Variants in DIS3L2 observed in about 807,000 individuals in gnomAD.
DIS3L2 encodes the protein DIS3-like exonuclease 2.
In DIS3L2, 34 loss-of-function variants were observed where a neutral mutation model predicts 97.5. The observed-to-expected ratio is 0.35, with a 90% CI of 0.27 to 0.46. DIS3L2 has a LOEUF of 0.46. DIS3L2 is among the 20% of genes least tolerant of loss of function. The pLI, the probability that DIS3L2 is intolerant of heterozygous loss-of-function variation, is 1.00. For synonymous variants in DIS3L2, 435 were observed against 445.2 expected (o/e 0.98, Z 0.29); for missense variants, 1,038 against 1,146.0 (o/e 0.91, Z 1.36).
intron 11 of DIS3L2, among the ~76,000 whole-genome samples, chr2:232,241,122 G>C (rs1426653410): frequency 6.6e-6 from 1 of 152,208 alleles, no homozygotes; most frequent in African/African-American, 2.4e-5. Context: ...GCAGCTGTGC[G>C]CTCTGATTCC....
chr2:232,326,016 C>T (rs1294362479), intron 14 of DIS3L2, among the ~76,000 whole-genome samples: 2 of 151,830 alleles, frequency 1.3e-5, no homozygotes, highest in Non-Finnish European at 2.9e-5. Context: ...AGCTTGGGGG[C>T]GTTTCGGAGG....
chr2:232,132,737 T>C (rs1007964093), intron 7 of DIS3L2, among the ~76,000 whole-genome samples: 1 of 152,092 alleles, frequency 6.6e-6, no homozygotes, highest in Non-Finnish European at 1.5e-5. Context: ...GTTTCCTTCC[T>C]CACCGGACCT....
chr2:232,034,462 T>C (rs1251352900), intron 5 of DIS3L2, among the ~76,000 whole-genome samples: 1 of 152,236 alleles, frequency 6.6e-6, no homozygotes, highest in Non-Finnish European at 1.5e-5. Flanking sequence ...CATGTCTCTA[T>C]CTCCTTCAGT....
chr2:232,038,792 A>G (rs1226415307), intron 5 of DIS3L2, among the ~76,000 whole-genome samples: 1 of 152,086 alleles, frequency 6.6e-6, no homozygotes, highest in East Asian at 1.9e-4. Context: ...AAGGTTTGGG[A>G]CTTGAGCATT....
At chr2:232,156,023 C>CT (rs1239284832) in intron 8 of DIS3L2, among the ~76,000 whole-genome samples, 1 of 151,938 alleles carries the variant, frequency 6.6e-6, no homozygotes, top group Non-Finnish European at 1.5e-5. Context: ...TCCAAAGAAT[C>CT]TTAGAAAATG....
chr2:232,305,116 C>T (rs936960230), intron 14 of DIS3L2, among the ~76,000 whole-genome samples: 30 of 152,238 alleles, frequency 2.0e-4, no homozygotes, highest in African/African-American at 7.0e-4. Context: ...CGCTCTGTCA[C>T]CCAGGCTGGA....
chr2:232,332,344 C>T (rs1192571564), intron 16 of DIS3L2, among the ~76,000 whole-genome samples: 14 of 152,278 alleles, frequency 9.2e-5, no homozygotes, highest in African/African-American at 1.7e-4. Flanking sequence ...CCATCAGCTG[C>T]GCCCTGGATT....
At chr2:232,260,670 T>C (rs1323198629) in intron 12 of DIS3L2, 7 of 152,204 alleles carry the variant, frequency 4.6e-5, no homozygotes, top group Admixed American at 4.6e-4. Flanking sequence ...TATAAGACTT[T>C]GCTCTGGATA....
intron 14 of DIS3L2, among the ~76,000 whole-genome samples, chr2:232,323,914 A>G (rs1424258244): frequency 1.3e-5 from 2 of 151,376 alleles, no homozygotes; most frequent in Non-Finnish European, 2.9e-5. Context: ...TCCACTTTCC[A>G]GCTCCCAGGC....
chr2:232,049,799 T>C (rs891851822), intron 5 of DIS3L2, among the ~76,000 whole-genome samples: 1 of 152,244 alleles, frequency 6.6e-6, no homozygotes, highest in African/African-American at 2.4e-5. Context: ...TTCTTATATA[T>C]GTTATTTCTA....
At chr2:232,236,866 C>T (rs146921770) in intron 10 of DIS3L2, among the ~76,000 whole-genome samples, 1 of 152,306 alleles carries the variant, frequency 6.6e-6, no homozygotes, top group East Asian at 1.9e-4. Context: ...GTTCTCCTGC[C>T]TCAGCCCCCT....
chr2:232,090,248 T>C (rs1301647880), intron 6 of DIS3L2, among the ~76,000 whole-genome samples: 1 of 152,116 alleles, frequency 6.6e-6, no homozygotes, highest in East Asian at 1.9e-4. Flanking sequence ...CCCTCTTTCT[T>C]ACAAGTAAAT....
intron 12 of DIS3L2, among the ~76,000 whole-genome samples, chr2:232,253,617 GATC>G (rs140346873): frequency 0.019 from 2,962 of 152,202 alleles, 97 homozygotes; most frequent in African/African-American, 0.068. Context: ...AATGAATTCT[GATC>G]ATTGTCATGT....
At chr2:232,294,499 G>A (rs991784807) in intron 13 of DIS3L2, among the ~76,000 whole-genome samples, 4 of 152,300 alleles carry the variant, frequency 2.6e-5, no homozygotes, top group African/African-American at 9.6e-5. Context: ...CATCCTGGGT[G>A]AATTTCAGTC....
chr2:232,036,163 C>A (rs1196465772), intron 5 of DIS3L2, among the ~76,000 whole-genome samples: 1 of 152,156 alleles, frequency 6.6e-6, no homozygotes, highest in East Asian at 1.9e-4. Flanking sequence ...ATCAATCAAA[C>A]GTAGGTTTGG....
chr2:232,126,534 C>T (rs73003118), intron 6 of DIS3L2, among the ~76,000 whole-genome samples: 11 of 152,252 alleles, frequency 7.2e-5, no homozygotes, highest in South Asian at 2.1e-4. Flanking sequence ...CATTCCAGCC[C>T]GCAGGATTGA....
At chr2:232,270,742 T>A (rs1440572085) in intron 13 of DIS3L2, among the ~76,000 whole-genome samples, 2 of 152,228 alleles carry the variant, frequency 1.3e-5, no homozygotes, top group Non-Finnish European at 2.9e-5. Context: ...TCCAGAGAGG[T>A]TGTACCAATT....
At chr2:232,135,758 G>A (rs545471046) in intron 7 of DIS3L2, among the ~76,000 whole-genome samples, 1 of 152,246 alleles carries the variant, frequency 6.6e-6, no homozygotes, top group Admixed American at 6.5e-5. Context: ...TCAACTGCAG[G>A]CTGAATCTTT....
chr2:232,314,928 T>G (rs1486140259), intron 14 of DIS3L2, among the ~76,000 whole-genome samples: 1 of 152,230 alleles, frequency 6.6e-6, no homozygotes, highest in Non-Finnish European at 1.5e-5. Context: ...GCCACATCCA[T>G]ACCTTTCTCA....
Sources: gnomAD v4.1 joint callset for allele counts (sites outside exome capture counted in the v4.1 genomes callset) on GRCh38, gnomAD v4.1.1 for gene constraint, MANE v1.5 for transcripts, NCBI Gene and HGNC (gene_info 2026-07-23, HGNC 2026-07-21) for gene names.